The following TCF12 variants were observed in gnomAD, a reference collection of about 807,000 sequenced individuals.
The protein encoded by TCF12 is transcription factor 12.
In TCF12, 45 loss-of-function variants were observed where a neutral mutation model predicts 86.0. The observed-to-expected ratio is 0.52, with a 90% confidence interval of 0.41 to 0.67. The LOEUF (loss-of-function observed/expected upper bound fraction) is 0.67, where lower values mean the gene tolerates loss of function less well. Ranked by LOEUF, TCF12 falls within the 30% of genes least tolerant of loss-of-function variation. The pLI, the probability that TCF12 is intolerant of heterozygous loss-of-function variation, is 0.00. For missense variants in TCF12, 881 were observed against 859.9 expected (o/e 1.02, Z -0.31); for synonymous variants, 330 against 299.6 (o/e 1.10, Z -1.05).
At chr15:56,969,555 T>TG (rs1365267182) in intron 3 of TCF12, among the ~76,000 whole-genome samples, 3 of 145,616 alleles carry the variant, frequency 2.1e-5, no homozygotes, top group African/African-American at 7.5e-5. Context: ...TTTTTTTTTT[T>TG]GAGACGAGAT....
intron 5 of TCF12, among the ~76,000 whole-genome samples, chr15:57,144,893 T>C (rs757191949): frequency 1.3e-5 from 2 of 152,210 alleles, no homozygotes; most frequent in African/African-American, 2.4e-5. Flanking sequence ...TGAGCTGCCA[T>C]ACCTGGCAGA....
intron 3 of TCF12, among the ~76,000 whole-genome samples, chr15:56,934,800 G>C (rs2060395826): frequency 6.6e-6 from 1 of 152,134 alleles, no homozygotes. Flanking sequence ...CATTGAGGTA[G>C]CTTTGATGGA....
intron 5 of TCF12, among the ~76,000 whole-genome samples, chr15:57,096,980 C>T (rs1466650591): frequency 6.6e-6 from 1 of 152,118 alleles, no homozygotes; most frequent in Non-Finnish European, 1.5e-5. Flanking sequence ...TTAAAGGGCA[C>T]CTCTGGTAAA....
intron 5 of TCF12, among the ~76,000 whole-genome samples, chr15:57,136,957 A>AGTTTT (rs2052567297): frequency 9.6e-6 from 1 of 103,808 alleles, no homozygotes; most frequent in African/African-American, 3.9e-5. Context: ...TGCTTCTGGC[A>AGTTTT]GTTTTTTTTT....
intron 3 of TCF12, among the ~76,000 whole-genome samples, chr15:56,998,457 C>CAAA (rs71113049): frequency 4.3e-4 from 48 of 110,600 alleles, no homozygotes; most frequent in African/African-American, 5.5e-4. Flanking sequence ...AACTCTGTCT[C>CAAA]AAAAAAAAAA....
At chr15:57,186,997 A>G (rs138055528) in intron 6 of TCF12, among the ~76,000 whole-genome samples, 55 of 152,314 alleles carry the variant, frequency 3.6e-4, no homozygotes, top group African/African-American at 1.2e-3. Flanking sequence ...CATGGCCAAC[A>G]TGATGAAACT....
At chr15:57,078,018 G>A (rs1442619486) in intron 4 of TCF12, among the ~76,000 whole-genome samples, 2 of 152,104 alleles carry the variant, frequency 1.3e-5, no homozygotes, top group East Asian at 1.9e-4. Flanking sequence ...CACAATGCAT[G>A]GATATTCTTA....
intron 6 of TCF12, among the ~76,000 whole-genome samples, chr15:57,190,177 G>C (rs1290628688): frequency 6.6e-6 from 1 of 152,196 alleles, no homozygotes; most frequent in Non-Finnish European, 1.5e-5. Flanking sequence ...ACAACATTTT[G>C]AATGTACTAA....
chr15:56,965,604 A>T (rs2061967250), intron 3 of TCF12, among the ~76,000 whole-genome samples: 1 of 152,180 alleles, frequency 6.6e-6, no homozygotes, highest in Non-Finnish European at 1.5e-5. Context: ...ATAAATATTC[A>T]TTGAAGAAAT....
chr15:57,133,297 G>A (rs2052279417), intron 5 of TCF12, among the ~76,000 whole-genome samples: 1 of 152,216 alleles, frequency 6.6e-6, no homozygotes, highest in Admixed American at 6.5e-5. Flanking sequence ...AGCCTGCCGT[G>A]TAAAGTCAGT....
intron 3 of TCF12, among the ~76,000 whole-genome samples, chr15:57,003,457 C>T (rs922265390): frequency 2.0e-5 from 3 of 152,294 alleles, no homozygotes; most frequent in Admixed American, 2.0e-4. Flanking sequence ...CTCCATGATG[C>T]ACATTGTAGG....
At chr15:57,219,121 A>G (rs1478652946) in intron 8 of TCF12, 4 of 1,062,540 alleles carry the variant, frequency 3.8e-6, no homozygotes, top group African/African-American at 1.6e-5. Flanking sequence ...AATTAAAACT[A>G]AAAACAGATT....
At chr15:56,967,710 G>A (rs557134662) in intron 3 of TCF12, among the ~76,000 whole-genome samples, 1 of 152,196 alleles carries the variant, frequency 6.6e-6, no homozygotes, top group African/African-American at 2.4e-5. Flanking sequence ...TGCCGAGGAT[G>A]GAGGGGCTGG....
Position 57,266,620 on chromosome 15 carries a change from G to A in TCF12, c.1745+3346G>A, listed in dbSNP as rs141278932. Among the ~76,000 whole-genome samples the A allele has an allele frequency of 6.5e-4, 99 of 152,258 alleles. 1 individual carries two copies. The highest frequency in any genetic ancestry group is 2.1e-3 in the African/African-American group (87 of 41,552). On this transcript the variant is annotated intron_variant, in intron 18 of 20. Transcript: ENST00000333725. ...ATATTCTAGGCAGAATGATGTTGTC[G>A]TGGAGTTTTCTAGAAAATGGACTTG...
At chr15:57,082,084 A>C (rs1419661075) in intron 4 of TCF12, among the ~76,000 whole-genome samples, 1 of 152,220 alleles carries the variant, frequency 6.6e-6, no homozygotes, top group Non-Finnish European at 1.5e-5. Flanking sequence ...ATTGGAACTT[A>C]CCCTTAAAGA....
chr15:56,931,083 C>A (rs910710086), intron 3 of TCF12, among the ~76,000 whole-genome samples: 1 of 152,092 alleles, frequency 6.6e-6, no homozygotes, highest in Non-Finnish European at 1.5e-5. Context: ...CTTCACCCCC[C>A]ACCCCAGGGA....
chr15:57,182,184 T>A (rs1223567530), intron 6 of TCF12, among the ~76,000 whole-genome samples: 1 of 152,184 alleles, frequency 6.6e-6, no homozygotes, highest in Non-Finnish European at 1.5e-5. Flanking sequence ...CTCATTTGTT[T>A]TAGGAAGACA....
intron 16 of TCF12, among the ~76,000 whole-genome samples, chr15:57,257,470 C>T (rs1346404997): frequency 6.6e-6 from 1 of 151,504 alleles, no homozygotes; most frequent in Admixed American, 6.6e-5. Flanking sequence ...CCAACCTGGA[C>T]AACAAAGTAA....
intron 4 of TCF12, among the ~76,000 whole-genome samples, chr15:57,081,591 G>A (rs1183022804): frequency 6.6e-6 from 1 of 152,166 alleles, no homozygotes; most frequent in African/African-American, 2.4e-5. Flanking sequence ...ATGTTGGAGT[G>A]CAGTGGCGTG....
Sources: gnomAD v4.1 joint callset for allele counts (sites outside exome capture counted in the v4.1 genomes callset) on GRCh38, gnomAD v4.1.1 for gene constraint, MANE v1.5 for transcripts, NCBI Gene and HGNC (gene_info 2026-07-23, HGNC 2026-07-21) for gene names.